PTPN1: variants seen among roughly 807,000 people sequenced by gnomAD.
PTPN1 encodes tyrosine-protein phosphatase non-receptor type 1.
A neutral mutation model predicts 59.9 loss-of-function variants in PTPN1; 12 were observed. That is an observed-to-expected ratio of 0.20 (90% confidence interval 0.13 to 0.32). The LOEUF is 0.32. Among genes scored for constraint, PTPN1 ranks in the 10% least tolerant of loss-of-function variants. PTPN1 has a pLI of 1.00. For missense variants in PTPN1, 356 were observed against 549.2 expected (o/e 0.65, Z 3.52); for synonymous variants, 178 against 203.6 (o/e 0.87, Z 1.07).
At chr20:50,511,513 G>T (rs542629677) in intron 1 of PTPN1, among the ~76,000 whole-genome samples, 1 of 152,304 alleles carries the variant, frequency 6.6e-6, no homozygotes, top group Admixed American at 6.5e-5. Context: ...GAAGGTTAAC[G>T]TTTTAACCCT....
chr20:50,567,515 C>G (rs1429447422), intron 3 of PTPN1, among the ~76,000 whole-genome samples: 3 of 152,146 alleles, frequency 2.0e-5, no homozygotes, highest in Non-Finnish European at 1.5e-5. Context: ...AAGGACATGA[C>G]AGGTTCTGAT....
intron 1 of PTPN1, among the ~76,000 whole-genome samples, chr20:50,549,356 C>A (rs775484495): frequency 6.6e-6 from 1 of 152,178 alleles, no homozygotes; most frequent in Non-Finnish European, 1.5e-5. Flanking sequence ...TTTTTCATGC[C>A]CTCATTCCTG....
In PTPN1 at chr20:50,579,815, A is replaced by G. The variant is rs2082856619; in HGVS notation, c.977A>G (p.Glu326Gly). The change falls in exon 8 of 10, where the codon GAG becomes GGG. Residue 326 changes from glutamate to glycine, a missense_variant. Transcript: ENST00000371621. Reference sequence around the variant, plus strand: ...GAGCCACACAATGGGAAATGCAGGGAGTTCTTCCCAAATCACCAGTGGGTG... The same window carrying G: ...GAGCCACACAATGGGAAATGCAGGGGGTTCTTCCCAAATCACCAGTGGGTG... Reference protein sequence around the residue: ...ILEPHNGKCREFFPNHQWVKE... With the variant: ...ILEPHNGKCRGFFPNHQWVKE... 1.9e-6 allele frequency: 3 copies of G among 1,614,008 alleles called. No individual in the cohort carries two copies. Among genetic ancestry groups the G allele is most frequent in the African/African-American group, 1.3e-5 (1 of 74,918 alleles).
At chr20:50,580,827 G>C (rs2082864277) in intron 8 of PTPN1, among the ~76,000 whole-genome samples, 1 of 152,214 alleles carries the variant, frequency 6.6e-6, no homozygotes, top group Non-Finnish European at 1.5e-5. Flanking sequence ...CCAGGGACCT[G>C]ATCAATTATG....
At position 50,565,068 on chromosome 20, in the gene PTPN1, A is replaced by G. The variant is rs1285079073; in HGVS notation, c.254A>G (p.Gln85Arg). 1 of 1,607,042 alleles carries G rather than the reference A, an allele frequency of 6.2e-7. No individual in the cohort carries two copies. The highest frequency in any genetic ancestry group is 1.7e-5 in the Admixed American group (1 of 57,230). ...EEAQRSYILT[Q>R]GPLPNTCGHF... ...GCCCAAAGGAGTTACATTCTTACCCAGGTAAGCAGATTGTCTGAATTTTCT... is the reference window on the plus strand; with the variant it reads ...GCCCAAAGGAGTTACATTCTTACCCGGGTAAGCAGATTGTCTGAATTTTCT... The change falls in exon 3 of 10, where the codon CAG becomes CGG. Residue 85 changes from glutamine (Q) to arginine (R), a missense_variant and splice_region_variant. Physicochemically the swap from Gln to Arg is conservative, Grantham distance 43. Coordinates refer to ENST00000371621, the MANE Select transcript of PTPN1 (RefSeq NM_002827.4).
At chr20:50,559,503 G>T (rs2122774692) in intron 1 of PTPN1, among the ~76,000 whole-genome samples, 1 of 152,188 alleles carries the variant, frequency 6.6e-6, no homozygotes, top group Non-Finnish European at 1.5e-5. Context: ...CAGAATTCTG[G>T]GATTGCAATT....
At chr20:50,573,251 C>T (rs534827333) in intron 4 of PTPN1, 227 of 152,440 alleles carry the variant, frequency 1.5e-3, no homozygotes, top group Non-Finnish European at 2.3e-3. Flanking sequence ...TGATCTGGGC[C>T]TCTGCTGGCC....
chr20:50,544,916 G>C (rs1164635974), intron 1 of PTPN1, among the ~76,000 whole-genome samples: 1 of 152,152 alleles, frequency 6.6e-6, no homozygotes, highest in Non-Finnish European at 1.5e-5. Context: ...TGAGGCATGA[G>C]AATTGCTTGA....
At chr20:50,514,845 G>T (rs1352689837) in intron 1 of PTPN1, among the ~76,000 whole-genome samples, 1 of 152,174 alleles carries the variant, frequency 6.6e-6, no homozygotes, top group African/African-American at 2.4e-5. Flanking sequence ...ATGTAGTTTG[G>T]CACCAGCCAT....
intron 1 of PTPN1, among the ~76,000 whole-genome samples, chr20:50,560,772 C>CAAAT (rs748396386): frequency 9.9e-5 from 15 of 152,020 alleles, no homozygotes; most frequent in African/African-American, 3.4e-4. Flanking sequence ...TAATAAAACA[C>CAAAT]AAATAAAAGA....
At chr20:50,546,912 A>C (rs2082678415) in intron 1 of PTPN1, among the ~76,000 whole-genome samples, 1 of 152,264 alleles carries the variant, frequency 6.6e-6, no homozygotes, top group Non-Finnish European at 1.5e-5. Flanking sequence ...GGCAAACAGC[A>C]GAAGCCCAGG....
intron 1 of PTPN1, among the ~76,000 whole-genome samples, chr20:50,511,114 G>A (rs1184841174): frequency 6.6e-6 from 1 of 152,242 alleles, no homozygotes; most frequent in Non-Finnish European, 1.5e-5. Context: ...TTCATTTATT[G>A]GATAGGAGTT....
intron 2 of PTPN1, among the ~76,000 whole-genome samples, chr20:50,563,271 T>C (rs533635306): frequency 6.6e-6 from 1 of 152,188 alleles, no homozygotes; most frequent in East Asian, 1.9e-4. Flanking sequence ...GCTGTGAAGG[T>C]TATGGGGGAG....
chr20:50,542,870 T>C (rs139262999), intron 1 of PTPN1, among the ~76,000 whole-genome samples: 1 of 152,358 alleles, frequency 6.6e-6, no homozygotes, highest in African/African-American at 2.4e-5. Flanking sequence ...ATCTTGCATC[T>C]GTTGCCCAAG....
intron 1 of PTPN1, among the ~76,000 whole-genome samples, chr20:50,519,478 G>C (rs962218496): frequency 3.3e-5 from 5 of 152,196 alleles, no homozygotes; most frequent in African/African-American, 1.2e-4. Flanking sequence ...TTGAAAGTAG[G>C]AAATAGATGG....
intron 4 of PTPN1, among the ~76,000 whole-genome samples, chr20:50,570,099 C>T (rs1223636270): frequency 1.3e-5 from 2 of 152,024 alleles, no homozygotes; most frequent in African/African-American, 4.8e-5. Context: ...GCCACCTTTC[C>T]AAAAAAAGCA....
At chr20:50,529,573 G>T (rs185798257) in intron 1 of PTPN1, among the ~76,000 whole-genome samples, 399 of 152,248 alleles carry the variant, frequency 2.6e-3, no homozygotes, top group Middle Eastern at 0.01. Context: ...ACACTTTTGC[G>T]TCTGAAACCA....
chr20:50,582,777 G>A lies in PTPN1; in HGVS notation c.*62G>A, dbSNP rs1468920145. ...GCCTCTGCCCGCAGAGCCCACGCCCGACTAGCAGGCATGCCGCGGTAGGTA... is the reference window on the plus strand; with the variant it reads ...GCCTCTGCCCGCAGAGCCCACGCCCAACTAGCAGGCATGCCGCGGTAGGTA... On this transcript the variant is annotated 3_prime_UTR_variant, in exon 10 of 10. Transcript: ENST00000371621. This position sits in a 1 kb window ranked among gnomAD's most constrained non-coding sequence, Gnocchi z 4.2. 10 of 1,601,230 alleles carry A rather than the reference G, an allele frequency of 6.2e-6. No homozygotes were observed. Among genetic ancestry groups the A allele is most frequent in the South Asian group, 1.1e-5 (1 of 89,620 alleles).
rs1288175142 is a variant in PTPN1 at position 50,575,940 on chromosome 20, T to TA, written c.492+1294dup. 4.6e-5 allele frequency among the ~76,000 whole-genome samples: 7 copies of TA among 151,648 alleles called. No individual in the cohort carries two copies. In the East Asian group the frequency reaches 7.8e-4, roughly 17 times the overall value. On this transcript the variant is annotated intron_variant, in intron 5 of 9. Transcript: ENST00000371621. ...AGACCCTGTCTCAAAAATAAATAAA[T>TA]AAAAAAAATAGTAGAAGTAAGATCT...
Sources: gnomAD v4.1 joint callset for allele counts (sites outside exome capture counted in the v4.1 genomes callset) on GRCh38, gnomAD v4.1.1 for gene constraint, Gnocchi (gnomAD v3.1) non-coding constraint, MANE v1.5 for transcripts, NCBI Gene and HGNC (gene_info 2026-07-23, HGNC 2026-07-21) for gene names.